METTL27: variants seen among roughly 807,000 people sequenced by gnomAD.
METTL27 encodes the protein methyltransferase-like protein 27.
In METTL27, 29 loss-of-function variants were observed where a neutral mutation model predicts 24.5. That is an observed-to-expected ratio of 1.18 (90% confidence interval 0.88 to 1.61). The LOEUF (loss-of-function observed/expected upper bound fraction) is 1.61, where lower values mean the gene tolerates loss of function less well. Ranked by LOEUF, METTL27 falls within the 40% of genes most tolerant of loss-of-function variation. The pLI is 0.00. For synonymous variants in METTL27, 138 were observed against 146.8 expected, an observed-to-expected ratio of 0.94 and a Z score of 0.43; for missense variants, 341 against 324.3, an observed-to-expected ratio of 1.05 and a Z score of -0.40.
Position 73,840,051 on chromosome 7 carries a change from T to C in METTL27, c.458A>G (p.Glu153Gly). ...DGQVPCNAIPELHVTKPGGLV... is the reference protein window; with the variant it reads ...DGQVPCNAIPGLHVTKPGGLV... ...CTCACCTGGCTTGGTGACATGTAGC[T>C]CAGGTATCGCATTGCAGGGCACCTG... is the stretch of plus-strand genomic sequence containing the variant. Residue 153 changes from glutamate to glycine, a missense_variant, in exon 5 of 6, where the codon GAG (glutamate) becomes GGG (glycine). Glu to Gly is a moderately conservative substitution (Grantham distance 98). Coordinates refer to ENST00000297873, the MANE Select transcript of METTL27 (RefSeq NM_152559.3). 6.2e-7 allele frequency: 1 copy of C among 1,610,562 alleles called. No individual in the cohort carries two copies. The highest frequency in any genetic ancestry group is 8.5e-7 in the Non-Finnish European group (1 of 1,178,970).
Position 73,840,432 on chromosome 7 carries a change from G to T in METTL27, c.370C>A (p.Pro124Thr). 6.3e-7 allele frequency: 1 copy of T among 1,588,340 alleles called. No homozygotes were observed. The highest frequency in any genetic ancestry group is 8.6e-7 in the Non-Finnish European group (1 of 1,168,030). The change falls in exon 4 of 6, where the codon CCT becomes ACT. Residue 124 changes from proline (P) to threonine (T), a missense_variant. Coordinates refer to ENST00000297873, the MANE Select transcript of METTL27 (RefSeq NM_152559.3). The stretch of plus-strand genomic sequence containing the variant: ...AAAGTACCTTCCGGGCTGGGCAGAG[G>T]CTCCTGGCCCAGGGTGCAGAGGCTG... Reference protein sequence around the residue: ...RLSLCTLGQEPLPSPEGTFDA... With the variant: ...RLSLCTLGQETLPSPEGTFDA...
At position 73,840,128 on chromosome 7, in the gene METTL27, TGTGTGGGGGGGG is replaced by T; in HGVS notation, c.389-20_389-9del. 1 of 1,210,872 alleles carries T rather than the reference TGTGTGGGGGGGG, an allele frequency of 8.3e-7. No homozygotes were observed. The highest frequency in any genetic ancestry group is 1.1e-6 in the Non-Finnish European group (1 of 906,590). 75.0% of individuals were successfully genotyped at this position (1,210,872 alleles called of 1,614,324 possible). A position where few individuals can be genotyped will look rare whatever the true frequency, so the allele number is the denominator to read the frequency against. ...GCACCGCGTCGAAGGTCCCTGTGTG[TGTGTGGGGGGGG>T]GTGGGGACATGGTGTGATGCTTGGA... On this transcript the variant is annotated splice_polypyrimidine_tract_variant and intron_variant, in intron 4 of 5. Transcript: ENST00000297873.
intron 5 of METTL27, among the ~76,000 whole-genome samples, chr7:73,838,178 G>A (rs1788259945): frequency 6.6e-6 from 1 of 152,062 alleles, no homozygotes; most frequent in South Asian, 2.1e-4. Context: ...AATTCTCCTG[G>A]ATTGAGGAGA....
rs782241252 is a variant in METTL27 at position 73,840,387 on chromosome 7, G to A, written c.388+27C>T. The A allele has an allele frequency of 9.7e-5, 151 of 1,556,082 alleles. 1 individual carries two copies. The highest frequency in any genetic ancestry group is 9.5e-4 in the Admixed American group (49 of 51,454). On this transcript the variant is annotated intron_variant, in intron 4 of 5. Transcript: ENST00000297873. ...AAAGGGCTTCATGAGGGTGGGCCTC[G>A]GGGTGTGGAGGTGGGAGAGAAAGTA...
At chr7:73,837,474 T>TAA (rs545986182) in intron 5 of METTL27, among the ~76,000 whole-genome samples, 4 of 81,872 alleles carry the variant, frequency 4.9e-5, no homozygotes, top group East Asian at 2.9e-4. Flanking sequence ...AATGTTCCAA[T>TAA]AAAAAAAAAA....
At position 73,835,901 on chromosome 7, in the gene METTL27, C is replaced by T. The variant is rs1366454468; in HGVS notation, c.479-899G>A. 4.0e-5 allele frequency among the ~76,000 whole-genome samples: 6 copies of T among 149,484 alleles called. No homozygotes were observed. In the South Asian group the frequency reaches 6.5e-4, roughly 16 times the overall value. On this transcript the variant is annotated intron_variant, in intron 5 of 5. Transcript: ENST00000297873. ...GATGTGAGGAGCACCTCTGCCCGGC[C>T]GCAACCCCGTCTGGGAGGTGAGGAG...
At position 73,840,257 on chromosome 7, in the gene METTL27, A is replaced by G. The variant is rs1283321221; in HGVS notation, c.389-137T>C. ...GCAGGACCCAGGTCCCCTAGAGGAT[A>G]AGGTAAGTATGGCCCAGTTCTGGGC... On this transcript the variant is annotated intron_variant, in intron 4 of 5. Transcript: ENST00000297873. The G allele has an allele frequency of 2.8e-6, 4 of 1,448,120 alleles. No individual in the cohort carries two copies. In the African/African-American group the frequency reaches 4.3e-5, roughly 15 times the overall value. The allele number at this position is 1,448,120 out of a possible 1,614,324, so 89.7% of individuals were successfully genotyped here.
At chr7:73,841,884 G>C (rs1788369608) in intron 2 of METTL27, 134 bp downstream of exon 2, 4 of 1,450,476 alleles carry the variant, frequency 2.8e-6, no homozygotes, top group Middle Eastern at 2.1e-4. Flanking sequence ...TTCTGGAAGG[G>C]GCAGGACTGT....
At chr7:73,840,930 G>A (rs1788335304) in intron 3 of METTL27, 140 bp downstream of exon 3, 3 of 1,297,274 alleles carry the variant, frequency 2.3e-6, no homozygotes, top group Non-Finnish European at 3.0e-6. Context: ...CATAGTGTGA[G>A]CCACAGTATG....
chr7:73,839,822 A>C, intron 5 of METTL27: 1 of 490,308 alleles, frequency 2.0e-6, no homozygotes, highest in Non-Finnish European at 3.6e-6. Flanking sequence ...TTGTCCATGG[A>C]TAAGAGCCGA....
rs782599169 is a variant in METTL27 at position 73,840,484 on chromosome 7, G to A, written c.318C>T (p.Ala106=). The stretch of plus-strand genomic sequence containing the variant: ...GGCGCTGATAGAGGCCGGGGGCCTG[G>A]GCCTGTTCCAGCATCCCTGGGCTCC... ...VDGSPGMLEQ[A]QAPGLYQRLS... The change falls in exon 4 of 6, where the codon GCC becomes GCT. Residue 106 remains alanine, a synonymous_variant. Transcript: ENST00000297873. The A allele has an allele frequency of 6.2e-7, 1 of 1,610,822 alleles. No individual in the cohort carries two copies. Among genetic ancestry groups the A allele is most frequent in the South Asian group, 1.1e-5 (1 of 90,762 alleles).
At chr7:73,840,002 TG>T (rs782425434) in intron 5 of METTL27, 28 bp downstream of exon 5, 3 of 1,578,248 alleles carry the variant, frequency 1.9e-6, no homozygotes, top group African/African-American at 1.3e-5. Context: ...TGACGGGGGT[TG>T]GGGGTGGTTG....
chr7:73,834,716 G>A lies in METTL27; in HGVS notation c.*27C>T. 1.3e-6 allele frequency: 2 copies of A among 1,597,422 alleles called. No homozygotes were observed. The highest frequency in any genetic ancestry group is 1.7e-6 in the Non-Finnish European group (2 of 1,169,352). On this transcript the variant is annotated 3_prime_UTR_variant, in exon 6 of 6. Coordinates refer to ENST00000297873, the MANE Select transcript of METTL27 (RefSeq NM_152559.3). The stretch of plus-strand genomic sequence containing the variant: ...CCAGCTAAGGCCACATGGAGTCAGG[G>A]GCCAGCTGGGGGCTGGGGGCTGGAT...
chr7:73,841,894 T>C (rs1430667325), intron 2 of METTL27, 124 bp downstream of exon 2: 16 of 1,501,258 alleles, frequency 1.1e-5, no homozygotes, highest in African/African-American at 9.8e-5. Flanking sequence ...GGCAGGACTG[T>C]AGGGTTCTTA....
chr7:73,842,284 G>A (rs1442038817), intron 1 of METTL27, 140 bp from the exon 2 acceptor site: 15 of 1,372,370 alleles, frequency 1.1e-5, no homozygotes, highest in Non-Finnish European at 1.3e-5. Flanking sequence ...ATCCCAGATG[G>A]GGACACTGAG....
In METTL27 at chr7:73,834,896, G is replaced by A. The variant is rs782540565; in HGVS notation, c.585C>T (p.Gly195=). 1.2e-6 allele frequency: 2 copies of A among 1,614,054 alleles called. No homozygotes were observed. The highest frequency in any genetic ancestry group is 1.7e-5 in the Admixed American group (1 of 60,026). Residue 195 remains glycine, a synonymous_variant, in exon 6 of 6, where the codon GGC becomes GGT. Transcript: ENST00000297873. ...GGCGGTCCACAGGCCAGGCCACCAG[G>A]CCTTCCCACATCCCAGCCTGCTCCA... ...DRLEQAGMWE[G]LVAWPVDRLW... is the part of the protein sequence containing the mutation.
In METTL27 at chr7:73,840,418, C is replaced by T. The variant is rs185546989; in HGVS notation, c.384G>A (p.Pro128=). 2.0e-5 allele frequency: 31 copies of T among 1,575,612 alleles called. No individual in the cohort carries two copies. Among genetic ancestry groups the T allele is most frequent in the African/African-American group, 1.8e-4 (13 of 73,972 alleles). ...TGGAGGTGGGAGAGAAAGTACCTTC[C>T]GGGCTGGGCAGAGGCTCCTGGCCCA... is the stretch of plus-strand genomic sequence containing the variant. The part of the protein sequence containing the change: ...CTLGQEPLPS[P]EGTFDAVLIV... The change falls in exon 4 of 6, where the codon CCG becomes CCA. Residue 128 remains proline (P), a synonymous_variant. Transcript: ENST00000297873.
At position 73,834,721 on chromosome 7, in the gene METTL27, G is replaced by T. The variant is rs782163801; in HGVS notation, c.*22C>A. The T allele has an allele frequency of 6.9e-6, 11 of 1,604,498 alleles. No individual in the cohort carries two copies. The South Asian group carries it at 1.2e-4, about 18-fold the overall frequency. On this transcript the variant is annotated 3_prime_UTR_variant, in exon 6 of 6. Coordinates refer to ENST00000297873, the MANE Select transcript of METTL27 (RefSeq NM_152559.3). ...TAAGGCCACATGGAGTCAGGGGCCA[G>T]CTGGGGGCTGGGGGCTGGATCTCAC...
At chr7:73,841,945 AG>A in intron 2 of METTL27, 72 bp downstream of exon 2, 1 of 1,611,328 alleles carries the variant, frequency 6.2e-7, no homozygotes. Flanking sequence ...CCCGGGTGCA[AG>A]GCTGATTCCC....
Sources: allele counts gnomAD v4.1 joint callset (sites outside exome capture counted in the v4.1 genomes callset), GRCh38; gene constraint gnomAD v4.1.1; transcripts MANE v1.5; gene names NCBI Gene and HGNC (gene_info 2026-07-23, HGNC 2026-07-21).